Variants in GABRB1 observed in about 807,000 individuals in gnomAD.
GABRB1 encodes the protein gamma-aminobutyric acid type A receptor subunit beta1, also known as gamma-aminobutyric acid receptor subunit beta-1.
Under a neutral mutation model 51.6 loss-of-function variants are expected in GABRB1, and 17 were observed. The observed-to-expected ratio is 0.33, with a 90% CI of 0.23 to 0.49. The LOEUF (loss-of-function observed/expected upper bound fraction) is 0.49. Among genes scored for constraint, GABRB1 ranks in the 20% least tolerant of loss-of-function variants. GABRB1 has a pLI of 0.99. For missense variants in GABRB1, 410 were observed against 600.6 expected (o/e 0.68, Z 3.32); for synonymous variants, 247 against 218.9 (o/e 1.13, Z -1.14).
At chr4:47,114,347 A>G (rs1258425542) in intron 3 of GABRB1, among the ~76,000 whole-genome samples, 1 of 152,030 alleles carries the variant, frequency 6.6e-6, no homozygotes, top group Non-Finnish European at 1.5e-5. Context: ...CAAAGACAGC[A>G]ACTGTATTTA....
At chr4:47,087,279 A>ATAT (rs752861043) in intron 3 of GABRB1, among the ~76,000 whole-genome samples, 8 of 71,512 alleles carry the variant, frequency 1.1e-4, no homozygotes, top group African/African-American at 4.4e-4. Flanking sequence ...GGTAGCATTA[A>ATAT]TTTTTTTTTT....
At chr4:47,414,971 T>C (rs1578156388) in intron 8 of GABRB1, among the ~76,000 whole-genome samples, 1 of 152,342 alleles carries the variant, frequency 6.6e-6, no homozygotes, top group South Asian at 2.1e-4. Context: ...ATCCAGAATT[T>C]CTACTGACAG....
chr4:47,335,364 G>C (rs1264670320), intron 5 of GABRB1, among the ~76,000 whole-genome samples: 1 of 152,088 alleles, frequency 6.6e-6, no homozygotes, highest in Non-Finnish European at 1.5e-5. Context: ...TATATGTAGA[G>C]GGAAGGTATG....
At chr4:47,189,116 A>AT (rs1168757098) in intron 4 of GABRB1, among the ~76,000 whole-genome samples, 2 of 151,956 alleles carry the variant, frequency 1.3e-5, no homozygotes, top group Non-Finnish European at 2.9e-5. Flanking sequence ...AGAAATAGAG[A>AT]TTTTTGAAGA....
At chr4:47,118,650 A>C (rs908076431) in intron 3 of GABRB1, among the ~76,000 whole-genome samples, 1 of 152,170 alleles carries the variant, frequency 6.6e-6, no homozygotes, top group Non-Finnish European at 1.5e-5. Context: ...CTTATTAATC[A>C]TATGGGATGA....
intron 3 of GABRB1, among the ~76,000 whole-genome samples, chr4:47,110,398 T>C (rs1425101337): frequency 1.3e-5 from 2 of 152,204 alleles, no homozygotes; most frequent in African/African-American, 2.4e-5. Context: ...CTATCTTTTC[T>C]TTTTGTTAAT....
chr4:47,356,969 A>G (rs1324160881), intron 5 of GABRB1, among the ~76,000 whole-genome samples: 1 of 152,068 alleles, frequency 6.6e-6, no homozygotes, highest in Non-Finnish European at 1.5e-5. Flanking sequence ...ATTTAATGCT[A>G]TTTGCTTTTC....
At chr4:47,352,935 T>C (rs185963022) in intron 5 of GABRB1, among the ~76,000 whole-genome samples, 3 of 152,212 alleles carry the variant, frequency 2.0e-5, no homozygotes, top group Non-Finnish European at 4.4e-5. Flanking sequence ...TTCATGCTGC[T>C]GATAAAGACA....
At chr4:47,280,689 T>C (rs1723255717) in intron 4 of GABRB1, among the ~76,000 whole-genome samples, 1 of 152,052 alleles carries the variant, frequency 6.6e-6, no homozygotes, top group Admixed American at 6.6e-5. Context: ...GCCCTGTCAC[T>C]GAGGCTAGAG....
chr4:47,198,746 A>G (rs945616501), intron 4 of GABRB1, among the ~76,000 whole-genome samples: 2 of 152,190 alleles, frequency 1.3e-5, no homozygotes, highest in Non-Finnish European at 2.9e-5. Flanking sequence ...TCCTGCTGCT[A>G]CAAAGAACTG....
intron 3 of GABRB1, among the ~76,000 whole-genome samples, chr4:47,033,775 G>A (rs1330746791): frequency 6.6e-6 from 1 of 152,140 alleles, no homozygotes; most frequent in Non-Finnish European, 1.5e-5. Flanking sequence ...TTTTGTAGTT[G>A]TAGCGGCTCC....
At position 47,144,670 on chromosome 4, in the gene GABRB1, C is replaced by G. The variant is rs112452786; in HGVS notation, c.241-16579C>G. On this transcript the variant is annotated intron_variant, in intron 3 of 8. Coordinates refer to ENST00000295454, the MANE Select transcript of GABRB1 (RefSeq NM_000812.4). ...GTGACAGAACTCATTATAGACAAAA[C>G]TGGAATCGAATTTAGATTGATTTGA... 8.0e-3 allele frequency among the ~76,000 whole-genome samples: 1,214 copies of G among 151,964 alleles called. 12 individuals are homozygous for G. Among genetic ancestry groups the G allele is most frequent in the African/African-American group, 0.027 (1,134 of 41,508 alleles).
At chr4:47,294,406 T>C (rs1723880069) in intron 4 of GABRB1, among the ~76,000 whole-genome samples, 1 of 152,190 alleles carries the variant, frequency 6.6e-6, no homozygotes, top group Admixed American at 6.5e-5. Flanking sequence ...CCCACCCTAA[T>C]ACTGTGCTTT....
intron 3 of GABRB1, among the ~76,000 whole-genome samples, chr4:47,147,772 A>G (rs2109707331): frequency 6.6e-6 from 1 of 152,206 alleles, no homozygotes; most frequent in Admixed American, 6.6e-5. Context: ...GACCAAGAAG[A>G]TTTTATAGCA....
At chr4:47,109,386 C>A (rs1215028526) in intron 3 of GABRB1, among the ~76,000 whole-genome samples, 1 of 151,778 alleles carries the variant, frequency 6.6e-6, no homozygotes, top group East Asian at 1.9e-4. Context: ...ATATGAGAAT[C>A]TGAAAAAAAA....
chr4:47,236,482 C>G (rs1721338677), intron 4 of GABRB1, among the ~76,000 whole-genome samples: 1 of 152,068 alleles, frequency 6.6e-6, no homozygotes, highest in Non-Finnish European at 1.5e-5. Flanking sequence ...TATTTAGTAA[C>G]TACTAGTGCT....
At chr4:47,052,777 T>C (rs1726409883) in intron 3 of GABRB1, among the ~76,000 whole-genome samples, 1 of 152,204 alleles carries the variant, frequency 6.6e-6, no homozygotes, top group South Asian at 2.1e-4. Context: ...TTCCTGTCAA[T>C]GTATCCATCG....
intron 3 of GABRB1, among the ~76,000 whole-genome samples, chr4:47,133,897 TATCC>T (rs111711959): frequency 2.0e-4 from 30 of 152,332 alleles, no homozygotes; most frequent in African/African-American, 7.0e-4. Context: ...ACTATTTAAA[TATCC>T]TATTCCTCAT....
intron 4 of GABRB1, among the ~76,000 whole-genome samples, chr4:47,207,481 G>A (rs1276619227): frequency 1.3e-4 from 20 of 151,978 alleles, no homozygotes; most frequent in African/African-American, 1.4e-4. Flanking sequence ...TTTCAGGAAC[G>A]TATTATACAA....
Sources: allele counts gnomAD v4.1 joint callset (sites outside exome capture counted in the v4.1 genomes callset), GRCh38; gene constraint gnomAD v4.1.1; transcripts MANE v1.5; gene names NCBI Gene and HGNC (gene_info 2026-07-23, HGNC 2026-07-21).